The following HACD3 variants were observed in gnomAD, a reference collection of about 807,000 sequenced individuals.
HACD3 encodes the protein 3-hydroxyacyl-CoA dehydratase 3.
A neutral mutation model predicts 55.2 loss-of-function variants in HACD3; 30 were observed. That is an observed-to-expected ratio of 0.54 (90% CI 0.41 to 0.74). HACD3 has a LOEUF of 0.74. HACD3 is among the 30% of genes least tolerant of loss of function. The pLI is 0.00. For synonymous variants in HACD3, 141 were observed against 151.7 expected, an observed-to-expected ratio of 0.93 and a Z score of 0.52; for missense variants, 363 against 440.1, an observed-to-expected ratio of 0.82 and a Z score of 1.57.
rs569981451 is a variant in HACD3 at position 65,538,160 on chromosome 15, C to A, written c.87+7442C>A. 4.6e-5 allele frequency among the ~76,000 whole-genome samples: 7 copies of A among 151,664 alleles called. No individual in the cohort carries two copies. The South Asian group carries it at 1.2e-3, about 27-fold the overall frequency. On this transcript the variant is annotated intron_variant, in intron 1 of 10. Transcript: ENST00000261875. ...CAAGGAATAATTTTGACTTTCAGGT[C>A]TTATTTAGAAAATACTTTCCGTAAG... is the stretch of plus-strand genomic sequence containing the variant.
chr15:65,558,818 A>T, intron 5 of HACD3, 87 bp downstream of exon 5: 2 of 1,457,436 alleles, frequency 1.4e-6, no homozygotes, highest in Non-Finnish European at 1.9e-6. Flanking sequence ...AGGAGAGCTA[A>T]TGATTTCATC....
chr15:65,556,979 C>T, intron 4 of HACD3, 76 bp downstream of exon 4: 1 of 1,356,666 alleles, frequency 7.4e-7, no homozygotes, highest in Non-Finnish European at 1.0e-6. Context: ...ACTTCAGATA[C>T]CTCTCGGTCT....
chr15:65,568,359 T>C (rs1028633388), intron 7 of HACD3, among the ~76,000 whole-genome samples: 5 of 151,944 alleles, frequency 3.3e-5, no homozygotes, highest in Non-Finnish European at 7.4e-5. Flanking sequence ...AAGTTTATGT[T>C]ATGTGTATTT....
At chr15:65,538,638 G>A (rs933164790) in intron 1 of HACD3, among the ~76,000 whole-genome samples, 2 of 152,240 alleles carry the variant, frequency 1.3e-5, no homozygotes, top group African/African-American at 4.8e-5. Flanking sequence ...GCAGTGGCAG[G>A]GGTTGAGAGT....
intron 8 of HACD3, 90 bp downstream of exon 8, chr15:65,570,293 T>C: frequency 2.1e-6 from 2 of 968,720 alleles, no homozygotes; most frequent in Non-Finnish European, 3.1e-6. Context: ...AGCCAGAGTC[T>C]CATTTGGTTT....
chr15:65,561,673 C>T (rs1234965186), intron 5 of HACD3, among the ~76,000 whole-genome samples: 1 of 152,030 alleles, frequency 6.6e-6, no homozygotes, highest in Non-Finnish European at 1.5e-5. Flanking sequence ...TTTTTTCCCC[C>T]ACATACCAAG....
At chr15:65,559,656 C>T (rs1272042079) in intron 5 of HACD3, among the ~76,000 whole-genome samples, 1 of 151,278 alleles carries the variant, frequency 6.6e-6, no homozygotes, top group Non-Finnish European at 1.5e-5. Flanking sequence ...GTTGGCATTC[C>T]GAATAAGGTT....
chr15:65,560,245 A>G (rs1461254221), intron 5 of HACD3, among the ~76,000 whole-genome samples: 1 of 152,174 alleles, frequency 6.6e-6, no homozygotes, highest in African/African-American at 2.4e-5. Flanking sequence ...TCTTTGCAGA[A>G]TATCTGTAGC....
intron 1 of HACD3, among the ~76,000 whole-genome samples, chr15:65,537,957 AAATATATATATATATATATATAT>A (rs2071979009): frequency 7.4e-4 from 2 of 2,700 alleles, no homozygotes; most frequent in African/African-American, 8.0e-4. Context: ...AAAAAAAAAA[AAATATATATATATATATATATAT>A]ATATATATAT....
At chr15:65,563,962 C>G (rs1239891831) in intron 6 of HACD3, among the ~76,000 whole-genome samples, 1 of 151,360 alleles carries the variant, frequency 6.6e-6, no homozygotes, top group East Asian at 1.9e-4. Flanking sequence ...GAGTAAGACT[C>G]CATCTCAAAA....
chr15:65,530,749 G>A, intron 1 of HACD3, 31 bp downstream of exon 1: 2 of 1,522,570 alleles, frequency 1.3e-6, no homozygotes, highest in Middle Eastern at 1.8e-4. Flanking sequence ...CGGGAAGCGC[G>A]CGGGATCGCG....
chr15:65,537,959 ATATATATATATATATATATATATAT>A (rs1289373587), intron 1 of HACD3, among the ~76,000 whole-genome samples: 3 of 4,050 alleles, frequency 7.4e-4, no homozygotes, highest in African/African-American at 3.0e-3. Context: ...AAAAAAAAAA[ATATATATATATATATATATATATAT>A]ATATATATAT....
intron 4 of HACD3, among the ~76,000 whole-genome samples, chr15:65,558,274 A>G (rs1471251760): frequency 6.6e-6 from 1 of 152,212 alleles, no homozygotes; most frequent in Admixed American, 6.5e-5. Flanking sequence ...GATGTTGGAA[A>G]CATGATCTTA....
intron 1 of HACD3, among the ~76,000 whole-genome samples, chr15:65,533,404 A>G (rs1016812017): frequency 1.3e-5 from 2 of 152,242 alleles, no homozygotes; most frequent in African/African-American, 4.8e-5. Context: ...AGACTAGTAT[A>G]AGAACAAAAC....
rs1193270168 is a variant in HACD3, at chr15:65,570,346, G to T, written c.773+143G>T. The T allele has an allele frequency of 6.5e-6, 4 of 611,516 alleles. No homozygotes were observed. In the East Asian group the frequency reaches 1.2e-4, roughly 18 times the overall value. 37.9% of individuals were successfully genotyped at this position (611,516 alleles called of 1,614,324 possible). ...TGTGGAGAATTCTGGTTGCACCTAT[G>T]TGCTCTGCAAAGTTGAGACAGATTT... On this transcript the variant is annotated intron_variant, in intron 8 of 10. Transcript: ENST00000261875.
In HACD3 at chr15:65,573,607, C is replaced by CAA. The variant is rs11375279; in HGVS notation, c.1012+1254_1012+1255dup. ...TGTGTGACAGAGCAAGACTCTGTCT[C>CAA]AAAAAAAAAAAAAATTTATTAGTAA... On this transcript the variant is annotated intron_variant, in intron 10 of 10. Transcript: ENST00000261875. Among the ~76,000 whole-genome samples the CAA allele has an allele frequency of 3.2e-3, 455 of 144,222 alleles. 2 individuals carry two copies. The highest frequency in any genetic ancestry group is 7.4e-3 in the Middle Eastern group (2 of 272). The allele number at this position is 144,222 out of a possible 152,430, so 94.6% of individuals were successfully genotyped here. A position where few individuals can be genotyped will look rare whatever the true frequency, so the allele number is the denominator to read the frequency against.
At chr15:65,563,539 C>T (rs1441475405) in intron 6 of HACD3, among the ~76,000 whole-genome samples, 2 of 152,114 alleles carry the variant, frequency 1.3e-5, no homozygotes, top group East Asian at 3.9e-4. Flanking sequence ...TGTAGTAGCT[C>T]ATACCTGTAA....
chr15:65,570,282 T>C, intron 8 of HACD3, 79 bp downstream of exon 8: 1 of 1,046,842 alleles, frequency 9.6e-7, no homozygotes, highest in Non-Finnish European at 1.4e-6. Context: ...GTTGTTATCT[T>C]AGCCAGAGTC....
chr15:65,545,817 A>C (rs1427069780), intron 1 of HACD3, among the ~76,000 whole-genome samples: 2 of 152,164 alleles, frequency 1.3e-5, no homozygotes, highest in African/African-American at 4.8e-5. Flanking sequence ...GTGCCATCAA[A>C]ATTCGCAATT....
Sources: gnomAD v4.1 joint callset for allele counts (sites outside exome capture counted in the v4.1 genomes callset) on GRCh38, gnomAD v4.1.1 for gene constraint, MANE v1.5 for transcripts, NCBI Gene and HGNC (gene_info 2026-07-23, HGNC 2026-07-21) for gene names.